The following GPC5 variants were observed in gnomAD, a reference collection of about 807,000 sequenced individuals.
GPC5 encodes glypican 5.
In GPC5, 47 loss-of-function variants were observed where a neutral mutation model predicts 53.9. That is an observed-to-expected ratio of 0.87 (90% CI 0.69 to 1.11). The LOEUF (loss-of-function observed/expected upper bound fraction) is 1.11, where lower values mean the gene tolerates loss of function less well. Among genes scored for constraint, GPC5 ranks in the 50% most tolerant of loss-of-function variants. The pLI, the probability that GPC5 is intolerant of heterozygous loss-of-function variation, is 0.00. For missense variants in GPC5, 748 were observed against 713.1 expected (o/e 1.05, Z -0.56); for synonymous variants, 286 against 263.3 (o/e 1.09, Z -0.84).
intron 7 of GPC5, among the ~76,000 whole-genome samples, chr13:92,458,452 C>A (rs1878359334): frequency 6.6e-6 from 1 of 151,998 alleles, no homozygotes; most frequent in African/African-American, 2.4e-5. Context: ...GGGCCTACCA[C>A]CATGCCTGGC....
chr13:91,970,404 T>C (rs1772214172), intron 6 of GPC5, among the ~76,000 whole-genome samples: 1 of 152,036 alleles, frequency 6.6e-6, no homozygotes, highest in Admixed American at 6.6e-5. Context: ...CTGTATTGTA[T>C]GCTTTAAATT....
At chr13:91,908,148 C>G (rs2039575131) in intron 6 of GPC5, 91 bp downstream of exon 6, 2 of 1,001,916 alleles carry the variant, frequency 2.0e-6, no homozygotes. Flanking sequence ...TTAATCCTGT[C>G]AGATAATCCT....
chr13:91,619,992 A>G (rs1190377038), intron 2 of GPC5, among the ~76,000 whole-genome samples: 2 of 152,136 alleles, frequency 1.3e-5, no homozygotes, highest in Admixed American at 6.6e-5. Context: ...TTTTCTCATC[A>G]GTGAGATAAA....
chr13:92,004,458 TTATA>T (rs58376767), intron 6 of GPC5, among the ~76,000 whole-genome samples: 6,054 of 82,372 alleles, frequency 0.073, 468 homozygotes, highest in East Asian at 0.28. Context: ...AAAAAAAAAA[TTATA>T]TATATATATA....
In GPC5 at chr13:92,705,956, C is replaced by A. The variant is rs971755190; in HGVS notation, c.1562-160326C>A. 1 of 151,398 alleles carries A rather than the reference C, an allele frequency of 6.6e-6. No homozygotes were observed. The highest frequency in any genetic ancestry group is 2.1e-4 in the South Asian group (1 of 4,792). 9.4% of individuals were successfully genotyped at this position (151,398 alleles called of 1,614,324 possible). On this transcript the variant is annotated intron_variant, in intron 7 of 7. Transcript: ENST00000377067. ...AAAAAAAAATTGCTTGGTGTTGTGGCATACCTGTGTAATCCCAACTACTGG... is the reference window on the plus strand; with the variant it reads ...AAAAAAAAATTGCTTGGTGTTGTGGAATACCTGTGTAATCCCAACTACTGG...
chr13:92,396,936 G>A (rs1448531223), intron 7 of GPC5, among the ~76,000 whole-genome samples: 3 of 152,144 alleles, frequency 2.0e-5, no homozygotes, highest in Non-Finnish European at 2.9e-5. Context: ...TAGAGAGGAG[G>A]CCTTTGCTAT....
intron 7 of GPC5, among the ~76,000 whole-genome samples, chr13:92,585,936 G>GT (rs1376851461): frequency 1.3e-5 from 2 of 152,204 alleles, no homozygotes; most frequent in African/African-American, 2.4e-5. Flanking sequence ...AAGTGCAACT[G>GT]TAAGTCCAGT....
chr13:92,728,058 T>G (rs1343403098), intron 7 of GPC5, among the ~76,000 whole-genome samples: 2 of 151,550 alleles, frequency 1.3e-5, no homozygotes, highest in East Asian at 3.9e-4. Context: ...GTTTTAAAAA[T>G]GTAGAACTAC....
chr13:92,100,457 A>G (rs1488832003), intron 6 of GPC5, among the ~76,000 whole-genome samples: 1 of 152,184 alleles, frequency 6.6e-6, no homozygotes, highest in Non-Finnish European at 1.5e-5. Context: ...ATAGTTAAAT[A>G]TTGCACTAGG....
chr13:92,233,751 G>A (rs1241374326), intron 7 of GPC5, among the ~76,000 whole-genome samples: 2 of 152,038 alleles, frequency 1.3e-5, no homozygotes, highest in Non-Finnish European at 2.9e-5. Context: ...TTGGTGTGCT[G>A]TACCCATTAA....
In GPC5 at chr13:92,362,493, A is replaced by G. The variant is rs375217809; in HGVS notation, c.1561+217504A>G. On this transcript the variant is annotated intron_variant, in intron 7 of 7. Transcript: ENST00000377067. ...AACATGTTTGAAAAACTATGGCAAG[A>G]TTTTGTTCTATGACGAAAGAAATTG... is the stretch of plus-strand genomic sequence containing the variant. 2.0e-5 allele frequency among the ~76,000 whole-genome samples: 3 copies of G among 151,916 alleles called. No individual in the cohort carries two copies. The South Asian group carries it at 6.2e-4, about 31-fold the overall frequency.
At chr13:92,571,147 T>C (rs529868161) in intron 7 of GPC5, among the ~76,000 whole-genome samples, 87 of 152,264 alleles carry the variant, frequency 5.7e-4, no homozygotes, top group African/African-American at 2.0e-3. Flanking sequence ...GTTTTGTCCA[T>C]TTCTGAAAAT....
chr13:91,655,399 A>C (rs1168179018), intron 2 of GPC5, among the ~76,000 whole-genome samples: 4 of 152,104 alleles, frequency 2.6e-5, no homozygotes, highest in Non-Finnish European at 5.9e-5. Flanking sequence ...ATAAGTTATA[A>C]TTAGTTAAGT....
At chr13:91,952,197 G>GTGTGTGTGTC (rs1177999701) in intron 6 of GPC5, among the ~76,000 whole-genome samples, 3,210 of 120,942 alleles carry the variant, frequency 0.027, 101 homozygotes, top group African/African-American at 0.076. Context: ...CTCTGTGTGT[G>GTGTGTGTGTC]TGTGTGTGTG....
chr13:91,571,199 T>C (rs1477724882), intron 2 of GPC5, among the ~76,000 whole-genome samples: 2 of 152,196 alleles, frequency 1.3e-5, no homozygotes, highest in Admixed American at 6.6e-5. Flanking sequence ...TTTTAATTAA[T>C]AATTTGTATG....
chr13:91,861,186 A>C (rs2039024003), intron 5 of GPC5, among the ~76,000 whole-genome samples: 3 of 152,226 alleles, frequency 2.0e-5, no homozygotes, highest in South Asian at 4.1e-4. Flanking sequence ...ATGTAAATTT[A>C]GCATTTTAAG....
At chr13:92,690,739 GT>G (rs1887358078) in intron 7 of GPC5, among the ~76,000 whole-genome samples, 2 of 104,848 alleles carry the variant, frequency 1.9e-5, no homozygotes, top group Non-Finnish European at 1.8e-5. Flanking sequence ...GTACAGATGG[GT>G]TTTTGGTGTA....
chr13:91,714,064 A>G (rs189697393), intron 3 of GPC5, among the ~76,000 whole-genome samples: 37 of 152,266 alleles, frequency 2.4e-4, no homozygotes, highest in African/African-American at 8.4e-4. Flanking sequence ...TCAGGGTCTA[A>G]TTCCTTCCAT....
intron 7 of GPC5, among the ~76,000 whole-genome samples, chr13:92,368,463 G>A (rs927132903): frequency 2.7e-5 from 4 of 150,798 alleles, no homozygotes; most frequent in African/African-American, 9.7e-5. Flanking sequence ...GGCTGACAAG[G>A]TGAAACCCTG....
Sources: allele counts gnomAD v4.1 joint callset (sites outside exome capture counted in the v4.1 genomes callset), GRCh38; gene constraint gnomAD v4.1.1; transcripts MANE v1.5; gene names NCBI Gene and HGNC (gene_info 2026-07-23, HGNC 2026-07-21).